Variants in VPS13D observed in about 807,000 individuals in gnomAD.
VPS13D encodes intermembrane lipid transfer protein VPS13D.
Under a neutral mutation model 461.9 loss-of-function variants are expected in VPS13D, and 187 were observed. The observed-to-expected ratio is 0.40, with a 90% confidence interval of 0.36 to 0.46. The LOEUF is 0.46. VPS13D is among the 20% of genes least tolerant of loss of function. The probability of loss-of-function intolerance (pLI) is 0.60; values close to 1 mark genes in which losing one functional copy is unlikely to be tolerated. For synonymous variants in VPS13D, 1,951 were observed against 1,986.3 expected, an observed-to-expected ratio of 0.98 and a Z score of 0.47; for missense variants, 4,711 against 5,364.9, an observed-to-expected ratio of 0.88 and a Z score of 3.81.
intron 56 of VPS13D, 56 bp from the exon 57 acceptor site, chr1:12,379,432 G>A: frequency 6.6e-6 from 10 of 1,511,096 alleles, no homozygotes; most frequent in Non-Finnish European, 9.1e-6. Flanking sequence ...GTTCCCTTCA[G>A]GCGTGAAACA....
chr1:12,293,670 T>C lies in VPS13D; in HGVS notation c.5999T>C (p.Leu2000Ser). The C allele has an allele frequency of 6.2e-7, 1 of 1,614,100 alleles. No individual in the cohort carries two copies. The highest frequency in any genetic ancestry group is 1.1e-5 in the South Asian group (1 of 91,078). ...CATTTCACTCAGCTGCAGGATGTCT[T>C]AGGGCGCCAGCGAGCTGCTATTGAG... ...IQHFTQLQDV[L>S]GRQRAAIEGQ... is the part of the protein sequence containing the mutation. Residue 2000 changes from leucine to serine, a missense_variant, in exon 24 of 70, where the codon TTA becomes TCA. Leu to Ser is a moderately radical substitution (Grantham distance 145). Transcript: ENST00000620676.
intron 23 of VPS13D, 107 bp downstream of exon 23, chr1:12,291,231 T>C: frequency 8.0e-7 from 1 of 1,248,008 alleles, no homozygotes; most frequent in East Asian, 2.5e-5. Context: ...TTTTACCTTC[T>C]TAGAGGTGAA....
chr1:12,461,543 C>G (rs916360770), intron 67 of VPS13D, among the ~76,000 whole-genome samples: 1 of 152,152 alleles, frequency 6.6e-6, no homozygotes, highest in African/African-American at 2.4e-5. Context: ...TATTTTGAAG[C>G]ATTTATGAAG....
intron 35 of VPS13D, among the ~76,000 whole-genome samples, chr1:12,326,747 G>A (rs909880724): frequency 6.6e-5 from 10 of 151,862 alleles, no homozygotes; most frequent in Non-Finnish European, 1.3e-4. Context: ...AGGTGCAAGC[G>A]ATTCTCCTGT....
chr1:12,265,781 G>T (rs761228133), intron 13 of VPS13D, among the ~76,000 whole-genome samples: 1 of 152,208 alleles, frequency 6.6e-6, no homozygotes, highest in African/African-American at 2.4e-5. Context: ...AATGGATAAA[G>T]AGTTATTTCT....
Position 12,313,022 on chromosome 1 carries a change from A to G in VPS13D, c.6936-1093A>G, listed in dbSNP as rs552819238. Reference sequence around the variant, plus strand: ...GCATTTCACACTTAATAACCTTTTCATGTTGATCTCTTATCAGTCCTGTAA... The same window carrying G: ...GCATTTCACACTTAATAACCTTTTCGTGTTGATCTCTTATCAGTCCTGTAA... On this transcript the variant is annotated intron_variant, in intron 29 of 69. Coordinates refer to ENST00000620676, the MANE Select transcript of VPS13D (RefSeq NM_015378.4). Among the ~76,000 whole-genome samples the G allele has an allele frequency of 1.6e-3, 250 of 152,260 alleles. 1 individual carries two copies. Among genetic ancestry groups the G allele is most frequent in the African/African-American group, 5.6e-3 (232 of 41,550 alleles).
At chr1:12,327,538 C>T in intron 35 of VPS13D, 110 bp from the exon 36 acceptor site, 1 of 793,958 alleles carries the variant, frequency 1.3e-6, no homozygotes, top group Non-Finnish European at 1.8e-6. Context: ...TCAAGGCTCT[C>T]TTGGCTTCCC....
At chr1:12,327,082 T>C (rs1643209824) in intron 35 of VPS13D, among the ~76,000 whole-genome samples, 1 of 152,238 alleles carries the variant, frequency 6.6e-6, no homozygotes, top group South Asian at 2.1e-4. Context: ...GAACTTTCCA[T>C]GTACTCATTC....
chr1:12,339,034 C>T (rs913170086), intron 40 of VPS13D, among the ~76,000 whole-genome samples: 1 of 151,904 alleles, frequency 6.6e-6, no homozygotes, highest in Non-Finnish European at 1.5e-5. Context: ...TAGAAAGAGA[C>T]CACAGGAACT....
intron 45 of VPS13D, 55 bp downstream of exon 45, chr1:12,349,028 T>C: frequency 6.2e-7 from 1 of 1,610,710 alleles, no homozygotes; most frequent in Non-Finnish European, 8.5e-7. Flanking sequence ...TCTTGACTGT[T>C]GTCAAGTCTC....
Position 12,363,146 on chromosome 1 carries a change from C to G in VPS13D, c.10347C>G (p.Asp3449Glu). The change falls in exon 52 of 70, where the codon GAC becomes GAG. Residue 3449 changes from aspartate (D) to glutamate (E), a missense_variant. Asp to Glu is a conservative substitution (Grantham distance 45, BLOSUM62 2). This residue lies in a region of VPS13D where 4,411 missense variants were observed against 4,937.8 expected (regional missense o/e 0.89). Coordinates refer to ENST00000620676, the MANE Select transcript of VPS13D (RefSeq NM_015378.4). ...TGGTGTTCCACTGGCCTCGGAATGA[C>G]TATGATCAGCTATTGTGTGTCAGAC... ...SSVVFHWPRN[D>E]YDQLLCVRLM... 1 of 1,614,214 alleles carries G rather than the reference C, an allele frequency of 6.2e-7. No homozygotes were observed. Among genetic ancestry groups the G allele is most frequent in the Non-Finnish European group, 8.5e-7 (1 of 1,180,034 alleles).
intron 1 of VPS13D, among the ~76,000 whole-genome samples, chr1:12,232,623 A>G (rs1353172571): frequency 1.4e-5 from 2 of 147,666 alleles, no homozygotes; most frequent in Non-Finnish European, 1.5e-5. Flanking sequence ...ACTTTTTGTA[A>G]TACTAAAATT....
At chr1:12,432,323 G>C (rs1303315012) in intron 65 of VPS13D, among the ~76,000 whole-genome samples, 1 of 151,994 alleles carries the variant, frequency 6.6e-6, no homozygotes, top group African/African-American at 2.4e-5. Flanking sequence ...AACCTGGGGA[G>C]GCGGAGGTTG....
At position 12,278,005 on chromosome 1, in the gene VPS13D, C is replaced by G; in HGVS notation, c.4417C>G (p.His1473Asp). 1.2e-6 allele frequency: 2 copies of G among 1,613,884 alleles called. No homozygotes were observed. The highest frequency in any genetic ancestry group is 2.2e-5 in the South Asian group (2 of 91,030). ...TCAGGAGGAAGCTCATTTCACACGACATGATTTCTTTGAATCTTTGCATAG... is the reference window on the plus strand; with the variant it reads ...TCAGGAGGAAGCTCATTTCACACGAGATGATTTCTTTGAATCTTTGCATAG... ...NSQEEAHFTR[H>D]DFFESLHRGQ... is the part of the protein sequence containing the mutation. Residue 1473 changes from histidine to aspartate, a missense_variant, in exon 19 of 70, where the codon CAT becomes GAT. Physicochemically the swap from His to Asp is moderately conservative, Grantham distance 81. Coordinates refer to ENST00000620676, the MANE Select transcript of VPS13D (RefSeq NM_015378.4).
At position 12,257,030 on chromosome 1, in the gene VPS13D, G is replaced by A. The variant is rs749080570; in HGVS notation, c.884G>A (p.Arg295Gln). ...ATGGAATTCCTCAAGGAGCTGGAACGAAAGGAGAGGCAGGTGAAGTTCCGA... is the reference window on the plus strand; with the variant it reads ...ATGGAATTCCTCAAGGAGCTGGAACAAAAGGAGAGGCAGGTGAAGTTCCGA... ...QIMEFLKELERKERQVKFRRW... is the reference protein window; with the variant it reads ...QIMEFLKELEQKERQVKFRRW... The change falls in exon 9 of 70, where the codon CGA becomes CAA. Residue 295 changes from arginine (R) to glutamine (Q), a missense_variant. Physicochemically the swap from Arg to Gln is conservative, Grantham distance 43 (BLOSUM62 1). Transcript: ENST00000620676. The A allele has an allele frequency of 5.6e-6, 9 of 1,614,164 alleles. No homozygotes were observed. Among genetic ancestry groups the A allele is most frequent in the Admixed American group, 3.3e-5 (2 of 60,026 alleles).
chr1:12,315,502 C>T (rs1004934405), intron 30 of VPS13D, among the ~76,000 whole-genome samples: 2 of 152,174 alleles, frequency 1.3e-5, no homozygotes, highest in Non-Finnish European at 2.9e-5. Flanking sequence ...ACTTTAGCTA[C>T]GCTCAGTATA....
chr1:12,457,819 T>C (rs12077899), intron 66 of VPS13D, among the ~76,000 whole-genome samples: 1,777 of 152,330 alleles, frequency 0.012, 40 homozygotes, highest in African/African-American at 0.039. Flanking sequence ...AGGCCAGAAG[T>C]GAAATTTGGC....
rs765994147 is a variant in VPS13D at position 12,283,501 on chromosome 1, C to G, written c.5399C>G (p.Ser1800Cys). ...FLVDKKHPEF[S>C]SSYNRVNRSI... ...GTAGATAAGAAACATCCAGAATTCT[C>G]TTCCAGTTACAATCGAGTTAACCGG... The change falls in exon 21 of 70, where the codon TCT (serine) becomes TGT (cysteine). Residue 1800 changes from serine (S) to cysteine (C), a missense_variant. This residue lies in a region of VPS13D where 4,411 missense variants were observed against 4,937.8 expected (regional missense o/e 0.89). Transcript: ENST00000620676. 1 of 1,614,244 alleles carries G rather than the reference C, an allele frequency of 6.2e-7. No homozygotes were observed. The highest frequency in any genetic ancestry group is 1.1e-5 in the South Asian group (1 of 91,092).
intron 65 of VPS13D, among the ~76,000 whole-genome samples, chr1:12,429,547 C>T (rs1267728187): frequency 2.6e-5 from 4 of 152,228 alleles, no homozygotes; most frequent in Non-Finnish European, 5.9e-5. Context: ...CCACCTCGGC[C>T]TCCCAAAGTG....
Sources: allele counts gnomAD v4.1 joint callset (sites outside exome capture counted in the v4.1 genomes callset), GRCh38; gene constraint gnomAD v4.1.1; regional missense constraint gnomAD v4.1.1; transcripts MANE v1.5; gene names NCBI Gene and HGNC (gene_info 2026-07-23, HGNC 2026-07-21).